Variants in DLC1 observed in about 807,000 individuals in gnomAD.
The protein encoded by DLC1 is DLC1 Rho GTPase activating protein, also known as rho GTPase-activating protein 7.
DLC1 carries 54 observed loss-of-function variants against 140.3 expected under a neutral mutation model. That is an observed-to-expected ratio of 0.38 (90% CI 0.31 to 0.48). The LOEUF (loss-of-function observed/expected upper bound fraction) is 0.48. Among genes scored for constraint, DLC1 ranks in the 20% least tolerant of loss-of-function variants. DLC1 has a pLI of 0.96. For synonymous variants in DLC1, 986 were observed against 728.1 expected (o/e 1.35, Z -5.70); for missense variants, 2,536 against 1,907.0 (o/e 1.33, Z -6.14).
intron 5 of DLC1, among the ~76,000 whole-genome samples, chr8:13,292,994 G>A (rs1165753160): frequency 2.6e-5 from 4 of 152,188 alleles, no homozygotes; most frequent in African/African-American, 4.8e-5. Context: ...AGGCTGAGGT[G>A]GGAGGATCTC....
chr8:13,178,744 C>T (rs1236134650), intron 5 of DLC1, among the ~76,000 whole-genome samples: 1 of 151,546 alleles, frequency 6.6e-6, no homozygotes, highest in Non-Finnish European at 1.5e-5. Flanking sequence ...GACAGATAAT[C>T]CTCTACATAT....
intron 5 of DLC1, chr8:13,133,069 C>G (rs1186473900): frequency 2.6e-6 from 4 of 1,548,982 alleles, no homozygotes; most frequent in Non-Finnish European, 3.5e-6. Flanking sequence ...CACGGCGGCA[C>G]CCGAGACGCG....
At chr8:13,450,776 C>T (rs896584293) in intron 2 of DLC1, among the ~76,000 whole-genome samples, 1 of 151,902 alleles carries the variant, frequency 6.6e-6, no homozygotes, top group African/African-American at 2.4e-5. Context: ...CGCGGTGGCT[C>T]ATGCCTGTAA....
chr8:13,460,908 T>C (rs1782500169), intron 2 of DLC1, among the ~76,000 whole-genome samples: 1 of 152,350 alleles, frequency 6.6e-6, no homozygotes, highest in East Asian at 1.9e-4. Flanking sequence ...AACAGGGTCC[T>C]GTGCGTGTAA....
chr8:13,203,031 T>A (rs1168826154), intron 5 of DLC1, among the ~76,000 whole-genome samples: 1 of 152,202 alleles, frequency 6.6e-6, no homozygotes, highest in East Asian at 1.9e-4. Flanking sequence ...TCAGCTTTAG[T>A]CAGTCTTTCA....
intron 2 of DLC1, among the ~76,000 whole-genome samples, chr8:13,418,572 A>T (rs866650530): frequency 6.6e-6 from 1 of 152,074 alleles, no homozygotes. Context: ...CCATTGATCT[A>T]TATCTCTATT....
intron 8 of DLC1, among the ~76,000 whole-genome samples, chr8:13,101,066 T>C (rs1819045303): frequency 6.6e-6 from 1 of 152,042 alleles, no homozygotes; most frequent in Admixed American, 6.6e-5. Flanking sequence ...CACTTACATA[T>C]TCTTTTTCTT....
intron 1 of DLC1, among the ~76,000 whole-genome samples, chr8:13,551,022 T>C (rs1018243415): frequency 5.4e-5 from 8 of 148,876 alleles, no homozygotes; most frequent in African/African-American, 1.7e-4. Context: ...AAAGCACATT[T>C]AACAGCACTC....
In DLC1 at chr8:13,595,691, C is replaced by G. The variant is rs548210921; in HGVS notation, c.-126+8846G>C. On this transcript the variant is annotated intron_variant, in intron 1 of 1. Transcript: ENST00000631382. The stretch of plus-strand genomic sequence containing the variant: ...ACATATTTAAACATAAACATTCTCT[C>G]AAATAGACAAAGATTACTAATTGTG... Among the ~76,000 whole-genome samples the G allele has an allele frequency of 3.3e-5, 5 of 152,058 alleles. No individual in the cohort carries two copies. The East Asian group carries it at 9.7e-4, about 29-fold the overall frequency.
chr8:13,278,487 C>T (rs1376174723), intron 5 of DLC1, among the ~76,000 whole-genome samples: 1 of 152,110 alleles, frequency 6.6e-6, no homozygotes, highest in Non-Finnish European at 1.5e-5. Flanking sequence ...ACTCTGTCTT[C>T]GAGGAGGAAA....
intron 2 of DLC1, among the ~76,000 whole-genome samples, chr8:13,459,480 C>G (rs1315806106): frequency 6.6e-6 from 1 of 152,170 alleles, no homozygotes; most frequent in Non-Finnish European, 1.5e-5. Context: ...GACCAAGTAA[C>G]TCTTTTGAGC....
chr8:13,321,037 C>G (rs1020998794), intron 4 of DLC1, among the ~76,000 whole-genome samples: 1 of 152,106 alleles, frequency 6.6e-6, no homozygotes, highest in Non-Finnish European at 1.5e-5. Flanking sequence ...CCCGCAGAAC[C>G]ATGAGCCAAA....
chr8:13,440,482 G>A (rs1798457461), intron 2 of DLC1, among the ~76,000 whole-genome samples: 1 of 151,774 alleles, frequency 6.6e-6, no homozygotes, highest in African/African-American at 2.4e-5. Flanking sequence ...TAGAAAGAGT[G>A]ACATTGCTTT....
At chr8:13,161,036 G>T (rs190441316) in intron 5 of DLC1, among the ~76,000 whole-genome samples, 1 of 152,176 alleles carries the variant, frequency 6.6e-6, no homozygotes, top group Non-Finnish European at 1.5e-5. Context: ...AGCCGAGATC[G>T]CGCCACTGCT....
intron 2 of DLC1, among the ~76,000 whole-genome samples, chr8:13,456,837 T>G (rs289544): frequency 0.47 from 71,437 of 152,006 alleles, 17,386 homozygotes; most frequent in African/African-American, 0.59. Flanking sequence ...ACCATTGACT[T>G]AGCTGTGATT....
intron 5 of DLC1, among the ~76,000 whole-genome samples, chr8:13,174,880 A>G (rs1286559691): frequency 6.6e-6 from 1 of 151,932 alleles, no homozygotes; most frequent in East Asian, 1.9e-4. Context: ...CCACCTGTCA[A>G]TTTTTGGTTT....
At chr8:13,254,341 C>T (rs554961243) in intron 5 of DLC1, among the ~76,000 whole-genome samples, 2 of 152,238 alleles carry the variant, frequency 1.3e-5, no homozygotes, top group South Asian at 2.1e-4. Flanking sequence ...GGGCCGGCTG[C>T]CTTTCCCAGT....
chr8:13,453,449 CAT>C (rs1233667712), intron 2 of DLC1, among the ~76,000 whole-genome samples: 273 of 10,462 alleles, frequency 0.026, 9 homozygotes, highest in East Asian at 0.24. Context: ...TATATATATA[CAT>C]ATATATATGT....
rs369321846 is a variant in DLC1 at position 13,366,325 on chromosome 8, GC to G, written c.1314+27227del. 1.2e-3 allele frequency among the ~76,000 whole-genome samples: 182 copies of G among 152,300 alleles called. 3 individuals are homozygous for G. Among genetic ancestry groups the G allele is most frequent in the Non-Finnish European group, 2.2e-3 (150 of 68,038 alleles). ...AATGTCTGTTGAGCATCCACTACAT[GC>G]CTGGCGCTGTCCTAAGTATGATGAT... On this transcript the variant is annotated intron_variant, in intron 4 of 17. Transcript: ENST00000276297.
Sources: allele counts gnomAD v4.1 joint callset (sites outside exome capture counted in the v4.1 genomes callset), GRCh38; gene constraint gnomAD v4.1.1; transcripts MANE v1.5; gene names NCBI Gene and HGNC (gene_info 2026-07-23, HGNC 2026-07-21).